SAMD5: variants seen among roughly 807,000 people sequenced by gnomAD.
SAMD5 encodes the protein sterile alpha motif domain-containing protein 5.
A neutral mutation model predicts 11.3 loss-of-function variants in SAMD5; 13 were observed. The observed-to-expected ratio is 1.15, with a 90% CI of 0.75 to 1.83. The LOEUF is 1.83. SAMD5 is among the 40% of genes most tolerant of loss of function. The pLI, the probability that SAMD5 is intolerant of heterozygous loss-of-function variation, is 0.00. For missense variants in SAMD5, 255 were observed against 239.1 expected (o/e 1.07, Z -0.44); for synonymous variants, 129 against 111.3 (o/e 1.16, Z -1.00).
chr6:147,513,527 T>TG (rs1788121054), intron 1 of SAMD5, among the ~76,000 whole-genome samples: 1 of 152,042 alleles, frequency 6.6e-6, no homozygotes, highest in African/African-American at 2.4e-5. Context: ...GAGATGCCTG[T>TG]GGAATGTCCC....
the SAMD5 span, among the ~76,000 whole-genome samples, chr6:147,867,499 G>A: frequency 2.9e-3 from 448 of 152,042 alleles, 1 homozygote; most frequent in African/African-American, 0.01. Context: ...GTTCATTTGT[G>A]ATGGGATGGA....
chr6:147,896,930 T>C, the SAMD5 span, among the ~76,000 whole-genome samples: 3 of 152,098 alleles, frequency 2.0e-5, no homozygotes, highest in African/African-American at 4.8e-5. Context: ...AGACCATGTA[T>C]TGCATGATTC....
Position 147,564,525 on chromosome 6 carries a change from C to A in SAMD5, c.*69C>A, listed in dbSNP as rs1018215427. 1.5e-5 allele frequency: 14 copies of A among 925,226 alleles called. No individual in the cohort carries two copies. Among genetic ancestry groups the A allele is most frequent in the Middle Eastern group, 2.2e-4 (1 of 4,630 alleles). The allele number at this position is 925,226 out of a possible 1,614,324, so 57.3% of individuals were successfully genotyped here. A position where few individuals can be genotyped will look rare whatever the true frequency, so the allele number is the denominator to read the frequency against. On this transcript the variant is annotated 3_prime_UTR_variant, in exon 2 of 2. Transcript: ENST00000367474. ...AGACTGGAAAAGGGCATATTTAGAACCTTCTTTCAAAAAGGGAAATGGATG... is the reference window on the plus strand; with the variant it reads ...AGACTGGAAAAGGGCATATTTAGAAACTTCTTTCAAAAAGGGAAATGGATG...
At chr6:147,708,025 A>G (rs1451409407) in intron 1 of SAMD5, among the ~76,000 whole-genome samples, 1 of 152,142 alleles carries the variant, frequency 6.6e-6, no homozygotes, top group African/African-American at 2.4e-5. Context: ...CCTCACCTGT[A>G]AGGTGAGGCT....
At chr6:147,539,881 ATTT>A (rs1413750803) in intron 1 of SAMD5, among the ~76,000 whole-genome samples, 2 of 152,096 alleles carry the variant, frequency 1.3e-5, no homozygotes, top group African/African-American at 2.4e-5. Context: ...ATCCTTAAAA[ATTT>A]TTTTATTACC....
the SAMD5 span, among the ~76,000 whole-genome samples, chr6:147,934,515 G>T: frequency 6.6e-6 from 1 of 152,130 alleles, no homozygotes; most frequent in Non-Finnish European, 1.5e-5. Flanking sequence ...TGCATGAAAT[G>T]GAAGAAATTT....
At chr6:147,877,891 A>AGCTAGC in the SAMD5 span, among the ~76,000 whole-genome samples, 8 of 90,200 alleles carry the variant, frequency 8.9e-5, no homozygotes, top group East Asian at 6.2e-4. Context: ...CGATAGATAG[A>AGCTAGC]TAGCTAGATA....
chr6:147,928,175 G>C, the SAMD5 span, among the ~76,000 whole-genome samples: 3,132 of 152,288 alleles, frequency 0.021, 117 homozygotes, highest in African/African-American at 0.073. Context: ...GATGATGCTG[G>C]ACTCATAGAA....
the SAMD5 span, among the ~76,000 whole-genome samples, chr6:147,783,955 G>A: frequency 3.9e-5 from 6 of 152,108 alleles, no homozygotes; most frequent in Admixed American, 2.0e-4. Flanking sequence ...GCCTGCCATT[G>A]GAGTCCTCAG....
the SAMD5 span, among the ~76,000 whole-genome samples, chr6:147,765,338 ATTC>A: frequency 6.6e-6 from 1 of 152,226 alleles, no homozygotes; most frequent in Non-Finnish European, 1.5e-5. Context: ...GTTAGAAAGA[ATTC>A]TTCATCATAA....
At chr6:147,897,276 C>T in the SAMD5 span, among the ~76,000 whole-genome samples, 24,088 of 152,064 alleles carry the variant, frequency 0.16, 3,323 homozygotes, top group African/African-American at 0.36. Flanking sequence ...GAAAAGATAA[C>T]CCGCTAGATT....
At chr6:147,588,734 C>T (rs1789411653) in intron 1 of SAMD5, among the ~76,000 whole-genome samples, 1 of 152,056 alleles carries the variant, frequency 6.6e-6, no homozygotes, top group Non-Finnish European at 1.5e-5. Flanking sequence ...TAACAGTTTG[C>T]TTATCAAGAC....
intron 1 of SAMD5, among the ~76,000 whole-genome samples, chr6:147,610,070 C>G (rs1411445184): frequency 6.6e-6 from 1 of 152,102 alleles, no homozygotes; most frequent in Non-Finnish European, 1.5e-5. Context: ...GTGCTGTGCT[C>G]TATAAACAAT....
At chr6:147,639,193 C>G (rs931924864) in intron 1 of SAMD5, among the ~76,000 whole-genome samples, 1 of 152,048 alleles carries the variant, frequency 6.6e-6, no homozygotes, top group Admixed American at 6.5e-5. Context: ...GAATTTCTAG[C>G]TTTGATGTGG....
chr6:147,566,819 A>C lies in SAMD5; in HGVS notation c.*2363A>C, dbSNP rs1313574186. 15 of 979,460 alleles carry C rather than the reference A, an allele frequency of 1.5e-5. No homozygotes were observed. Among genetic ancestry groups the C allele is most frequent in the African/African-American group, 1.8e-5 (1 of 57,074 alleles). The allele number at this position is 979,460 out of a possible 1,614,324, so 60.7% of individuals were successfully genotyped here. ...CCACGAATTCCTTTGCATTAAAATC[A>C]AGATGAGGTAAGAGGTAGAATATAA... On this transcript the variant is annotated 3_prime_UTR_variant, in exon 2 of 2. Coordinates refer to ENST00000367474, the MANE Select transcript of SAMD5 (RefSeq NM_001030060.3).
chr6:147,761,249 C>G, the SAMD5 span, among the ~76,000 whole-genome samples: 2 of 151,866 alleles, frequency 1.3e-5, no homozygotes, highest in Non-Finnish European at 2.9e-5. Flanking sequence ...TAATATATAC[C>G]CTACAAGGCC....
At chr6:147,574,082 C>T (rs563096007), downstream of SAMD5, among the ~76,000 whole-genome samples, 10 of 151,362 alleles carry the variant, frequency 6.6e-5, no homozygotes, top group African/African-American at 1.7e-4. Flanking sequence ...GAGCTGAGAT[C>T]GCGCCACTGC....
chr6:147,882,231 T>G, the SAMD5 span, among the ~76,000 whole-genome samples: 1 of 152,204 alleles, frequency 6.6e-6, no homozygotes, highest in African/African-American at 2.4e-5. Context: ...ATTATCTTGT[T>G]GATTCTCCCA....
chr6:147,832,838 G>T, the SAMD5 span, among the ~76,000 whole-genome samples: 5 of 152,042 alleles, frequency 3.3e-5, no homozygotes, highest in Non-Finnish European at 5.9e-5. Flanking sequence ...TTTTGTAAAA[G>T]AATTTTCTCC....
Sources: gnomAD v4.1 joint callset for allele counts (sites outside exome capture counted in the v4.1 genomes callset) on GRCh38, gnomAD v4.1.1 for gene constraint, MANE v1.5 for transcripts, NCBI Gene and HGNC (gene_info 2026-07-23, HGNC 2026-07-21) for gene names.